Variants in SLC4A3 observed in about 807,000 individuals in gnomAD.
SLC4A3 encodes the protein anion exchange protein 3.
SLC4A3 carries 47 observed loss-of-function variants against 114.2 expected under a neutral mutation model. That is an observed-to-expected ratio of 0.41 (90% confidence interval 0.33 to 0.52). SLC4A3 has a LOEUF of 0.52. SLC4A3 is among the 20% of genes least tolerant of loss of function. The pLI is 0.21. For synonymous variants in SLC4A3, 693 were observed against 710.3 expected, an observed-to-expected ratio of 0.98 and a Z score of 0.39; for missense variants, 1,312 against 1,668.3, an observed-to-expected ratio of 0.79 and a Z score of 3.72.
Position 219,635,851 on chromosome 2 carries a change from C to T in SLC4A3, c.2151C>T (p.Phe717=), listed in dbSNP as rs370555923. 56 of 1,566,780 alleles carry T rather than the reference C, an allele frequency of 3.6e-5. No homozygotes were observed. Among genetic ancestry groups the T allele is most frequent in the Middle Eastern group, 1.8e-4 (1 of 5,702 alleles). Residue 717 remains phenylalanine (F), a synonymous_variant, in exon 14 of 23, where the codon TTC becomes TTT. Transcript: ENST00000358055. ...QCVAAVLFIY[F]AALSPAITFG... ...TGGCCGCTGTGCTCTTCATCTACTT[C>T]GCAGCCCTCAGCCCTGCCATCACCT...
Position 219,631,221 on chromosome 2 carries a change from GT to G in SLC4A3, c.812-746del. 2 of 1,239,592 alleles carry G rather than the reference GT, an allele frequency of 1.6e-6. No homozygotes were observed. The highest frequency in any genetic ancestry group is 1.0e-6 in the Non-Finnish European group (1 of 953,136). The allele number at this position is 1,239,592 out of a possible 1,614,324, so 76.8% of individuals were successfully genotyped here. ...GGTCTGGTAGGGAGCGGAGGCCGAG[GT>G]CTCGGCCACCGGGAGAATGACGAGC... On this transcript the variant is annotated intron_variant, in intron 6 of 22. Coordinates refer to ENST00000358055, the MANE Select transcript of SLC4A3 (RefSeq NM_005070.4). The surrounding 1 kb of genome is among the most constrained non-coding windows in gnomAD (Gnocchi z 6.3).
In SLC4A3 at chr2:219,638,626, G is replaced by A. The variant is rs796191194; in HGVS notation, c.2857-77G>A. On this transcript the variant is annotated intron_variant, in intron 18 of 22. Coordinates refer to ENST00000358055, the MANE Select transcript of SLC4A3 (RefSeq NM_005070.4). The surrounding 1 kb of genome is among the most constrained non-coding windows in gnomAD (Gnocchi z 7.5). ...CTCCCTGAAGTCCTGGACTGGGGAC[G>A]CAGCTTAGTGGGCTGCTTGGTGGGC... 3.7e-5 allele frequency: 55 copies of A among 1,490,702 alleles called. No individual in the cohort carries two copies. The highest frequency in any genetic ancestry group is 1.1e-4 in the African/African-American group (8 of 72,638). The allele number at this position is 1,490,702 out of a possible 1,614,324, so 92.3% of individuals were successfully genotyped here. A position where few individuals can be genotyped will look rare whatever the true frequency, so the allele number is the denominator to read the frequency against.
Position 219,633,892 on chromosome 2 carries a change from A to C in SLC4A3, c.1474A>C (p.Met492Leu). 1 of 1,558,454 alleles carries C rather than the reference A, an allele frequency of 6.4e-7. No homozygotes were observed. ...DPDAKEKPLH[M>L]PGGDGHRGKS... ...TCTGCGTCCTCAGAAGCCCCTCCAC[A>C]TGCCTGGGGGAGATGGTCACCGGGG... The change falls in exon 11 of 23, where the codon ATG (methionine) becomes CTG (leucine). Residue 492 changes from methionine to leucine, a missense_variant. Coordinates refer to ENST00000358055, the MANE Select transcript of SLC4A3 (RefSeq NM_005070.4).
chr2:219,631,420 G>T lies in SLC4A3; in HGVS notation c.812-548G>T. ...GATGGTGACCTGTGGGAGTCCATCA[G>T]GGGCCAGCTGGGCCCCATGGCAGGG... On this transcript the variant is annotated intron_variant, in intron 6 of 22. Transcript: ENST00000358055. This position sits in a 1 kb window ranked among gnomAD's most constrained non-coding sequence, Gnocchi z 6.3. 7.7e-7 allele frequency: 1 copy of T among 1,304,274 alleles called. No homozygotes were observed. Among genetic ancestry groups the T allele is most frequent in the Non-Finnish European group, 1.0e-6 (1 of 988,932 alleles). 80.8% of individuals were successfully genotyped at this position (1,304,274 alleles called of 1,614,324 possible).
At chr2:219,627,840 A>C (rs1170569434) in intron 1 of SLC4A3, 60 bp from the exon 2 acceptor site, 2 of 597,566 alleles carry the variant, frequency 3.3e-6, no homozygotes, top group Non-Finnish European at 5.7e-6. Context: ...GGGAGCGTGC[A>C]TCCGGCTCCC....
Position 219,631,874 on chromosome 2 carries a change from T to C in SLC4A3, c.812-94T>C. ...CATGGCCTGTTGGTGACTGTAGAGCTCACCAAGTAGATGGGTTGGGCAGAA... is the reference window on the plus strand; with the variant it reads ...CATGGCCTGTTGGTGACTGTAGAGCCCACCAAGTAGATGGGTTGGGCAGAA... On this transcript the variant is annotated intron_variant, in intron 6 of 22. Coordinates refer to ENST00000358055, the MANE Select transcript of SLC4A3 (RefSeq NM_005070.4). This position sits in a 1 kb window ranked among gnomAD's most constrained non-coding sequence, Gnocchi z 6.3. 1.1e-5 allele frequency: 15 copies of C among 1,384,826 alleles called. No individual in the cohort carries two copies. Among genetic ancestry groups the C allele is most frequent in the Non-Finnish European group, 1.5e-5 (15 of 1,015,524 alleles). The allele number at this position is 1,384,826 out of a possible 1,614,324, so 85.8% of individuals were successfully genotyped here. A position where few individuals can be genotyped will look rare whatever the true frequency, so the allele number is the denominator to read the frequency against.
Position 219,639,714 on chromosome 2 carries a change from G to A in SLC4A3, c.3256G>A (p.Val1086Met), listed in dbSNP as rs746288324. 1.2e-6 allele frequency: 2 copies of A among 1,609,190 alleles called. No individual in the cohort carries two copies. The highest frequency in any genetic ancestry group is 1.1e-5 in the South Asian group (1 of 91,048). Residue 1086 changes from valine to methionine, a missense_variant, in exon 20 of 23, where the codon GTG becomes ATG. Val to Met is a conservative substitution (Grantham distance 21). This residue lies in a region of SLC4A3 where 301 missense variants were observed against 460.7 expected (regional missense o/e 0.65). Transcript: ENST00000358055. The surrounding 1 kb of genome is among the most constrained non-coding windows in gnomAD (Gnocchi z 5.9). ...QEVREQRVTG[V>M]LIASLVGLSI... ...GGTGCGGGAGCAGCGGGTCACTGGT[G>A]TGCTCATCGCCAGCCTCGTGGGTGA...
chr2:219,641,858 C>T lies in SLC4A3; in HGVS notation c.*130C>T. The T allele has an allele frequency of 1.4e-6, 1 of 715,986 alleles. No homozygotes were observed. Among genetic ancestry groups the T allele is most frequent in the Non-Finnish European group, 2.4e-6 (1 of 419,202 alleles). 44.4% of individuals were successfully genotyped at this position (715,986 alleles called of 1,614,324 possible). Reference sequence around the variant, plus strand: ...ATGTGCCTGGAACCACTCCTGATGCCATGGCTAGAGTGGCCCCCCTGACTT... The same window carrying T: ...ATGTGCCTGGAACCACTCCTGATGCTATGGCTAGAGTGGCCCCCCTGACTT... On this transcript the variant is annotated 3_prime_UTR_variant, in exon 23 of 23. Transcript: ENST00000358055. The surrounding 1 kb of genome is among the most constrained non-coding windows in gnomAD (Gnocchi z 4.0).
rs1390026467 is a variant in SLC4A3 at position 219,641,390 on chromosome 2, T to C, written c.3622-261T>C. Among the ~76,000 whole-genome samples, 1 of 152,198 alleles carries C rather than the reference T, an allele frequency of 6.6e-6. No homozygotes were observed. Among genetic ancestry groups the C allele is most frequent in the Admixed American group, 6.5e-5 (1 of 15,282 alleles). On this transcript the variant is annotated intron_variant, in intron 22 of 22. Transcript: ENST00000358055. The surrounding 1 kb of genome is among the most constrained non-coding windows in gnomAD (Gnocchi z 4.0). ...TCAAACATGGTGTACAAAGGTACCA[T>C]AGCAACTAGAAGTGGCCTCAGGAAA...
intron 20 of SLC4A3, among the ~76,000 whole-genome samples, chr2:219,640,210 T>G (rs540388611): frequency 6.7e-6 from 1 of 149,582 alleles, no homozygotes; most frequent in South Asian, 2.1e-4. Flanking sequence ...ATTACAGGCG[T>G]GAGCCAATGT....
rs1419093786 is a variant in SLC4A3 at position 219,630,246 on chromosome 2, G to C, written c.705G>C (p.Leu235=). 1.9e-6 allele frequency: 3 copies of C among 1,613,376 alleles called. No individual in the cohort carries two copies. The highest frequency in any genetic ancestry group is 1.3e-5 in the African/African-American group (1 of 75,046). ...CCAGTTATGACCTGCGGGAGCGACTGTGCCCAGGCAGTGCCCTGGGCAACC... is the reference window on the plus strand; with the variant it reads ...CCAGTTATGACCTGCGGGAGCGACTCTGCCCAGGCAGTGCCCTGGGCAACC... The part of the protein sequence containing the change: ...PSASYDLRER[L]CPGSALGNPG... Residue 235 remains leucine (L), a synonymous_variant, in exon 6 of 23, where the codon CTG becomes CTC. Coordinates refer to ENST00000358055, the MANE Select transcript of SLC4A3 (RefSeq NM_005070.4). The surrounding 1 kb of genome is among the most constrained non-coding windows in gnomAD (Gnocchi z 6.9).
chr2:219,634,090 G>C, intron 11 of SLC4A3, 111 bp downstream of exon 11: 1 of 1,273,652 alleles, frequency 7.9e-7, no homozygotes, highest in Non-Finnish European at 1.1e-6. Flanking sequence ...CTCCCTCCAG[G>C]CTCCCACCTG....
chr2:219,638,220 G>C lies in SLC4A3; in HGVS notation c.2823G>C (p.Leu941=). The C allele has an allele frequency of 6.2e-7, 1 of 1,612,724 alleles. No homozygotes were observed. The highest frequency in any genetic ancestry group is 8.5e-7 in the Non-Finnish European group (1 of 1,179,354). Reference sequence around the variant, plus strand: ...CCATCTCCATCCTGGTGATGGTCCTGGTGGATTACTCCATCACAGACACCT... The same window carrying C: ...CCATCTCCATCCTGGTGATGGTCCTCGTGGATTACTCCATCACAGACACCT... The part of the protein sequence containing the change: ...GIPISILVMV[L]VDYSITDTYT... Residue 941 remains leucine (L), a synonymous_variant, in exon 18 of 23, where the codon CTG becomes CTC. Transcript: ENST00000358055. This position sits in a 1 kb window ranked among gnomAD's most constrained non-coding sequence, Gnocchi z 7.5.
At position 219,635,704 on chromosome 2, in the gene SLC4A3, A is replaced by G. The variant is rs639214; in HGVS notation, c.2004A>G (p.Ala668=). The G allele has an allele frequency of 0.97, 1,545,881 of 1,589,086 alleles. 754,820 individuals are homozygous for G. The highest frequency in any genetic ancestry group is 1 in the East Asian group (44,375 of 44,484). ...ELSLELGGSE[A]TPEDDPLLRT... ...CTTTGGAGTTGGGGGGCTCTGAGGC[A>G]ACCCCTGAAGATGACCCCTTGCTGC... The change falls in exon 14 of 23, where the codon GCA becomes GCG. Residue 668 remains alanine, a synonymous_variant. Coordinates refer to ENST00000358055, the MANE Select transcript of SLC4A3 (RefSeq NM_005070.4).
Position 219,636,402 on chromosome 2 carries a change from G to A in SLC4A3, c.2292G>A (p.Val764=). The A allele has an allele frequency of 1.2e-6, 2 of 1,613,380 alleles. No homozygotes were observed. The highest frequency in any genetic ancestry group is 8.5e-7 in the Non-Finnish European group (1 of 1,179,776). The change falls in exon 15 of 23, where the codon GTG becomes GTA. Residue 764 remains valine (V), a synonymous_variant. Transcript: ENST00000358055. The surrounding 1 kb of genome is among the most constrained non-coding windows in gnomAD (Gnocchi z 5.5). Reference sequence around the variant, plus strand: ...TGCTGGGAGCTCAGCCGCTGCTTGTGGTTGGCTTCTCTGGGCCGCTGCTTG... The same window carrying A: ...TGCTGGGAGCTCAGCCGCTGCTTGTAGTTGGCTTCTCTGGGCCGCTGCTTG... The part of the protein sequence containing the change: ...FSLLGAQPLL[V]VGFSGPLLVF...
chr2:219,632,177 C>G, intron 7 of SLC4A3, 61 bp downstream of exon 7: 2 of 1,606,852 alleles, frequency 1.2e-6, no homozygotes, highest in Non-Finnish European at 8.5e-7. Context: ...CGGAGCCCTC[C>G]TCTCTTTGCC....
At position 219,632,121 on chromosome 2, in the gene SLC4A3, G is replaced by A; in HGVS notation, c.960+5G>A. On this transcript the variant is annotated splice_donor_5th_base_variant and intron_variant, in intron 7 of 22. Coordinates refer to ENST00000358055, the MANE Select transcript of SLC4A3 (RefSeq NM_005070.4). The stretch of plus-strand genomic sequence containing the variant: ...CTGGACCGGAGGCCTCATGAGGTCA[G>A]GATGCTGACTGGGTGGGCCTGTGGC... The A allele has an allele frequency of 6.2e-7, 1 of 1,612,860 alleles. No individual in the cohort carries two copies. Among genetic ancestry groups the A allele is most frequent in the Non-Finnish European group, 8.5e-7 (1 of 1,179,704 alleles).
At chr2:219,634,374 G>T in intron 11 of SLC4A3, 46 bp from the exon 12 acceptor site, 2 of 1,600,388 alleles carry the variant, frequency 1.2e-6, no homozygotes, top group South Asian at 2.2e-5. Context: ...GGCCTGCCTT[G>T]ACTGCTTCTC....
In SLC4A3 at chr2:219,637,690, G is replaced by C. The variant is rs1553552344; in HGVS notation, c.2645G>C (p.Gly882Ala). 1.9e-6 allele frequency: 3 copies of C among 1,612,376 alleles called. No individual in the cohort carries two copies. In the Admixed American group the frequency reaches 5.0e-5, roughly 27 times the overall value. The change falls in exon 17 of 23, where the codon GGC becomes GCC. Residue 882 changes from glycine to alanine, a missense_variant. Gly to Ala is a moderately conservative substitution (Grantham distance 60). This residue lies in a region of SLC4A3 where 771 missense variants were observed against 977.7 expected (regional missense o/e 0.79). Transcript: ENST00000358055. The surrounding 1 kb of genome is among the most constrained non-coding windows in gnomAD (Gnocchi z 4.6). ...PNGSALPPTE[G>A]PPSPRNQPNT... ...GGCAGTGCCCTGCCCCCCACCGAGGGCCCCCCCAGCCCGAGGAACCAGCCC... is the reference window on the plus strand; with the variant it reads ...GGCAGTGCCCTGCCCCCCACCGAGGCCCCCCCCAGCCCGAGGAACCAGCCC...
Sources: allele counts gnomAD v4.1 joint callset (sites outside exome capture counted in the v4.1 genomes callset), GRCh38; gene constraint gnomAD v4.1.1; regional missense constraint gnomAD v4.1.1; non-coding constraint Gnocchi (gnomAD v3.1); transcripts MANE v1.5; gene names NCBI Gene and HGNC (gene_info 2026-07-23, HGNC 2026-07-21).